The following RNGTT variants were observed in gnomAD, a reference collection of about 807,000 sequenced individuals.
RNGTT encodes RNA guanylyltransferase and 5'-phosphatase, also known as mRNA-capping enzyme.
Under a neutral mutation model 79.3 loss-of-function variants are expected in RNGTT, and 33 were observed. The ratio of observed to expected loss-of-function variants is 0.42; its 90% CI spans 0.32 to 0.56. The LOEUF is 0.56. RNGTT is among the 20% of genes least tolerant of loss of function. The probability of loss-of-function intolerance (pLI) is 0.17; values close to 1 mark genes in which losing one functional copy is unlikely to be tolerated. For synonymous variants in RNGTT, 222 were observed against 235.9 expected, an observed-to-expected ratio of 0.94 and a Z score of 0.54; for missense variants, 497 against 739.1, an observed-to-expected ratio of 0.67 and a Z score of 3.80.
Position 88,668,741 on chromosome 6 carries a change from T to C in RNGTT, c.1506+9612A>G, listed in dbSNP as rs190653613. ...AGGACTGGTGGGGACTCATGAAAGA[T>C]ACAAGTAAAGTAATACCAGAACAGA... On this transcript the variant is annotated intron_variant, in intron 14 of 15. Transcript: ENST00000369485. 2.0e-3 allele frequency among the ~76,000 whole-genome samples: 297 copies of C among 152,130 alleles called. 4 individuals are homozygous for C. The highest frequency in any genetic ancestry group is 7.0e-3 in the African/African-American group (290 of 41,522).
At chr6:88,836,480 G>A (rs913129140) in intron 11 of RNGTT, among the ~76,000 whole-genome samples, 3 of 152,064 alleles carry the variant, frequency 2.0e-5, no homozygotes, top group Non-Finnish European at 4.4e-5. Flanking sequence ...GGTGGCTCAC[G>A]CTTGTAATCC....
intron 14 of RNGTT, among the ~76,000 whole-genome samples, chr6:88,657,436 G>A (rs947782821): frequency 6.6e-6 from 1 of 152,206 alleles, no homozygotes; most frequent in African/African-American, 2.4e-5. Flanking sequence ...CCTTGGGGAA[G>A]GCAGCCAGCA....
chr6:88,699,222 T>A (rs1324442919), intron 13 of RNGTT, among the ~76,000 whole-genome samples: 1 of 152,206 alleles, frequency 6.6e-6, no homozygotes, highest in Non-Finnish European at 1.5e-5. Flanking sequence ...TCTCTTTTCC[T>A]CACACAAATT....
chr6:88,894,494 C>T (rs1783161867), intron 6 of RNGTT, among the ~76,000 whole-genome samples: 2 of 152,206 alleles, frequency 1.3e-5, no homozygotes, highest in African/African-American at 4.8e-5. Flanking sequence ...CTGTACCTAA[C>T]ATAAACAGCT....
intron 11 of RNGTT, among the ~76,000 whole-genome samples, chr6:88,828,897 C>G (rs1780757098): frequency 6.6e-6 from 1 of 151,830 alleles, no homozygotes; most frequent in South Asian, 2.1e-4. Context: ...GTGAAAAGAC[C>G]AAACCTATGT....
intron 6 of RNGTT, among the ~76,000 whole-genome samples, chr6:88,898,391 T>C (rs142529340): frequency 6.6e-6 from 1 of 152,256 alleles, no homozygotes; most frequent in East Asian, 1.9e-4. Context: ...ATTTCATAGC[T>C]AGATCCTCTA....
intron 1 of RNGTT, among the ~76,000 whole-genome samples, chr6:88,949,158 T>TAAAAAAAAAAAAAAAAAAAAAA (rs1491197999): frequency 1.7e-4 from 3 of 18,008 alleles, no homozygotes; most frequent in African/African-American, 2.6e-4. Context: ...TAAAATAAAA[T>TAAAAAAAAAAAAAAAAAAAAAA]GAAAAAAAAA....
intron 4 of RNGTT, among the ~76,000 whole-genome samples, chr6:88,918,084 G>A (rs980941020): frequency 2.6e-5 from 4 of 152,072 alleles, no homozygotes; most frequent in African/African-American, 4.8e-5. Flanking sequence ...TTAGGAGGCC[G>A]AGGCGGGAAT....
intron 13 of RNGTT, among the ~76,000 whole-genome samples, chr6:88,691,101 A>C (rs1048907814): frequency 2.0e-5 from 3 of 152,108 alleles, no homozygotes; most frequent in African/African-American, 7.2e-5. Flanking sequence ...TGTAATCCCC[A>C]ATGTTGGAGG....
At chr6:88,960,735 T>TC (rs1405825317) in intron 1 of RNGTT, among the ~76,000 whole-genome samples, 1 of 152,354 alleles carries the variant, frequency 6.6e-6, no homozygotes, top group African/African-American at 2.4e-5. Flanking sequence ...GAGCTCTCTC[T>TC]CATTGCAAGT....
At chr6:88,671,956 T>A (rs928680124) in intron 14 of RNGTT, among the ~76,000 whole-genome samples, 1 of 151,936 alleles carries the variant, frequency 6.6e-6, no homozygotes, top group African/African-American at 2.4e-5. Flanking sequence ...TATAAAAAAA[T>A]CAACTCAAGA....
chr6:88,718,868 T>C (rs1015413752), intron 13 of RNGTT, among the ~76,000 whole-genome samples: 20 of 152,164 alleles, frequency 1.3e-4, no homozygotes, highest in African/African-American at 4.6e-4. Context: ...ATACAGAGTA[T>C]CCAAAACCAG....
chr6:88,743,412 C>T (rs983693646), intron 13 of RNGTT, among the ~76,000 whole-genome samples: 3 of 151,824 alleles, frequency 2.0e-5, no homozygotes, highest in Admixed American at 2.0e-4. Flanking sequence ...ACAACCATCA[C>T]CACCATTCAT....
chr6:88,615,192 T>C (rs75675710), intron 14 of RNGTT, among the ~76,000 whole-genome samples: 3,624 of 152,324 alleles, frequency 0.024, 151 homozygotes, highest in African/African-American at 0.081. Flanking sequence ...CATGGTAATA[T>C]TTTAATTCTG....
intron 13 of RNGTT, among the ~76,000 whole-genome samples, chr6:88,696,661 G>C (rs1775683991): frequency 6.6e-6 from 1 of 151,004 alleles, no homozygotes; most frequent in Non-Finnish European, 1.5e-5. Context: ...TTTGTTAAAA[G>C]GTTAAATGGA....
chr6:88,723,168 A>C (rs1310470914), intron 13 of RNGTT, among the ~76,000 whole-genome samples: 1 of 152,224 alleles, frequency 6.6e-6, no homozygotes, highest in African/African-American at 2.4e-5. Flanking sequence ...ACTGGCCCTG[A>C]AGACCTCCAA....
chr6:88,798,785 T>A (rs1430173931), intron 12 of RNGTT, among the ~76,000 whole-genome samples: 3 of 152,190 alleles, frequency 2.0e-5, no homozygotes, highest in Non-Finnish European at 4.4e-5. Flanking sequence ...AAGAACAGAA[T>A]CAGAAATTTC....
At chr6:88,758,773 T>C (rs896936523) in intron 13 of RNGTT, among the ~76,000 whole-genome samples, 7 of 152,210 alleles carry the variant, frequency 4.6e-5, no homozygotes, top group Admixed American at 1.3e-4. Context: ...TTATAAGCAA[T>C]CCACAGAAAG....
chr6:88,943,286 C>G (rs1355743714), intron 1 of RNGTT, among the ~76,000 whole-genome samples: 1 of 152,182 alleles, frequency 6.6e-6, no homozygotes, highest in Non-Finnish European at 1.5e-5. Context: ...ATGGTCTTCC[C>G]TATCTCAGCA....
Sources: allele counts gnomAD v4.1 joint callset (sites outside exome capture counted in the v4.1 genomes callset), GRCh38; gene constraint gnomAD v4.1.1; transcripts MANE v1.5; gene names NCBI Gene and HGNC (gene_info 2026-07-23, HGNC 2026-07-21).